The following PCDH11X variants were observed in gnomAD, a reference collection of about 807,000 sequenced individuals.
The protein encoded by PCDH11X is protocadherin 11 X-linked, also known as protocadherin-11 X-linked.
A neutral mutation model predicts 53.3 loss-of-function variants in PCDH11X; 18 were observed. That is an observed-to-expected ratio of 0.34 (90% CI 0.23 to 0.50). The LOEUF (loss-of-function observed/expected upper bound fraction) is 0.50, where lower values mean the gene tolerates loss of function less well. Ranked by LOEUF, PCDH11X falls within the 20% of genes least tolerant of loss-of-function variation. PCDH11X has a pLI of 0.98. For synonymous variants in PCDH11X, 279 were observed against 393.3 expected (o/e 0.71, Z 3.44); for missense variants, 570 against 1,032.4 (o/e 0.55, Z 6.14).
intron 10 of PCDH11X, among the ~76,000 whole-genome samples, chrX:92,474,821 G>A (rs1231338007): frequency 3.7e-5 from 4 of 107,671 alleles, no homozygotes; most frequent in African/African-American, 1.4e-4. Flanking sequence ...GTCTTGAAAA[G>A]TTGTAGTTAT....
intron 6 of PCDH11X, among the ~76,000 whole-genome samples, chrX:92,148,836 A>G (rs758224058): frequency 2.8e-5 from 3 of 108,086 alleles, no homozygotes; most frequent in South Asian, 8.3e-4. Context: ...GAAAATCTGG[A>G]TCTTAGAAAG....
chrX:92,365,118 A>C (rs1223984735), intron 8 of PCDH11X, among the ~76,000 whole-genome samples: 2 of 86,557 alleles, frequency 2.3e-5, no homozygotes, highest in African/African-American at 8.6e-5. Flanking sequence ...GGAGGTTTTC[A>C]GGGACAGTAA....
intron 9 of PCDH11X, among the ~76,000 whole-genome samples, chrX:92,442,005 AG>A (rs2072525654): frequency 9.0e-6 from 1 of 110,850 alleles, no homozygotes; most frequent in Non-Finnish European, 1.9e-5. Flanking sequence ...ATGGAGTCAA[AG>A]GATATCATTT....
intron 6 of PCDH11X, among the ~76,000 whole-genome samples, chrX:91,950,607 T>TATAC (rs772420274): frequency 7.2e-5 from 7 of 97,772 alleles, no homozygotes; most frequent in African/African-American, 2.9e-4. Context: ...TATATATATA[T>TATAC]ACACACACAC....
intron 1 of PCDH11X, among the ~76,000 whole-genome samples, chrX:91,806,438 T>C (rs1339213065): frequency 2.6e-5 from 3 of 113,488 alleles, no homozygotes; most frequent in African/African-American, 9.6e-5. Context: ...AAAATTGTAG[T>C]CCACAGAAAT....
chrX:91,997,703 G>C (rs2062443216), intron 6 of PCDH11X, among the ~76,000 whole-genome samples: 1 of 110,948 alleles, frequency 9.0e-6, no homozygotes, highest in African/African-American at 3.3e-5. Flanking sequence ...GTCTGGATTT[G>C]GTAACAGGGT....
chrX:91,903,526 A>G (rs1311302208), intron 6 of PCDH11X, among the ~76,000 whole-genome samples: 1 of 110,800 alleles, frequency 9.0e-6, no homozygotes. Context: ...ACTATACAGC[A>G]TGCTGGTTTT....
intron 6 of PCDH11X, among the ~76,000 whole-genome samples, chrX:92,001,194 A>T (rs1048104774): frequency 9.0e-6 from 1 of 111,497 alleles, no homozygotes; most frequent in Non-Finnish European, 1.9e-5. Context: ...CAATCCCAAC[A>T]ACTGTATATA....
At chrX:92,068,971 G>T (rs1000825659) in intron 6 of PCDH11X, among the ~76,000 whole-genome samples, 1 of 111,150 alleles carries the variant, frequency 9.0e-6, no homozygotes, top group Non-Finnish European at 1.9e-5. Context: ...TTGATGAAAT[G>T]TTCTGTAAAT....
intron 6 of PCDH11X, among the ~76,000 whole-genome samples, chrX:92,068,696 C>T (rs370520488): frequency 1.8e-5 from 2 of 108,934 alleles, no homozygotes; most frequent in Non-Finnish European, 3.8e-5. Flanking sequence ...TGCACCACCA[C>T]GCCTGGCTGA....
chrX:91,957,359 G>A lies in PCDH11X; in HGVS notation c.3033+78086G>A, dbSNP rs1242979745. ...CACTCTGGCTTTTTGAGTTTTCAGC[G>A]TTTTTGCATTGATTCTTCCTCATAT... On this transcript the variant is annotated intron_variant, in intron 6 of 10. Transcript: ENST00000682573. 9.0e-5 allele frequency among the ~76,000 whole-genome samples: 10 copies of A among 111,254 alleles called. No homozygotes were observed. In the South Asian group the frequency reaches 3.0e-3, roughly 34 times the overall value.
intron 6 of PCDH11X, among the ~76,000 whole-genome samples, chrX:91,939,583 A>G (rs1478588983): frequency 4.6e-5 from 5 of 108,283 alleles, no homozygotes; most frequent in Non-Finnish European, 9.6e-5. Flanking sequence ...AATGATAAAG[A>G]AAAAAAAATG....
intron 1 of PCDH11X, among the ~76,000 whole-genome samples, chrX:91,806,393 G>T (rs1312520311): frequency 1.8e-5 from 2 of 113,368 alleles, no homozygotes; most frequent in Non-Finnish European, 3.7e-5. Flanking sequence ...TCTCTAAGTG[G>T]AGATTTCTTA....
chrX:92,606,232 C>CAAAAAAAAAAAAA (rs61522182), intron 10 of PCDH11X, among the ~76,000 whole-genome samples: 7 of 32,833 alleles, frequency 2.1e-4, no homozygotes, highest in African/African-American at 1.1e-3. Flanking sequence ...AATTCCGTCT[C>CAAAAAAAAAAAAA]AAAAAAAAAA....
At chrX:91,927,675 A>C (rs1941993143) in intron 6 of PCDH11X, among the ~76,000 whole-genome samples, 1 of 111,699 alleles carries the variant, frequency 9.0e-6, no homozygotes, top group South Asian at 3.7e-4. Context: ...AGAGCAGTAA[A>C]ATGACTTTCT....
intron 10 of PCDH11X, among the ~76,000 whole-genome samples, chrX:92,526,113 A>G (rs2074449231): frequency 9.0e-6 from 1 of 111,474 alleles, no homozygotes; most frequent in Admixed American, 9.6e-5. Context: ...CGGGAGATGT[A>G]TGTCCTTGTA....
chrX:92,208,289 C>T (rs1469186430), intron 7 of PCDH11X, among the ~76,000 whole-genome samples: 2 of 103,460 alleles, frequency 1.9e-5, no homozygotes, highest in African/African-American at 7.0e-5. Context: ...AACATTAACT[C>T]ATGTAATTTT....
At chrX:92,536,397 A>G (rs1213843485) in intron 10 of PCDH11X, among the ~76,000 whole-genome samples, 1 of 110,942 alleles carries the variant, frequency 9.0e-6, no homozygotes, top group Non-Finnish European at 1.9e-5. Context: ...TATTTCTGCC[A>G]TTTCAGCCAT....
chrX:91,931,797 C>T (rs1223858138), intron 6 of PCDH11X, among the ~76,000 whole-genome samples: 1 of 110,172 alleles, frequency 9.1e-6, no homozygotes, highest in Non-Finnish European at 1.9e-5. Context: ...TAGAAAAATA[C>T]GTCATTATAC....
Sources: gnomAD v4.1 joint callset for allele counts (sites outside exome capture counted in the v4.1 genomes callset) on GRCh38, gnomAD v4.1.1 for gene constraint, MANE v1.5 for transcripts, NCBI Gene and HGNC (gene_info 2026-07-23, HGNC 2026-07-21) for gene names.